ZNF536: variants seen among roughly 807,000 people sequenced by gnomAD.
ZNF536 encodes zinc finger protein 536.
Under a neutral mutation model 84.5 loss-of-function variants are expected in ZNF536, and 13 were observed. The ratio of observed to expected loss-of-function variants is 0.15; its 90% CI spans 0.10 to 0.24. The LOEUF is 0.24. Among genes scored for constraint, ZNF536 ranks in the 10% least tolerant of loss-of-function variants. The pLI, the probability that ZNF536 is intolerant of heterozygous loss-of-function variation, is 1.00. For missense variants in ZNF536, 1,536 were observed against 1,747.5 expected (o/e 0.88, Z 2.16); for synonymous variants, 811 against 742.5 (o/e 1.09, Z -1.50).
At chr19:30,226,158 C>A (rs2022599779), upstream of ZNF536, among the ~76,000 whole-genome samples, 1 of 151,424 alleles carries the variant, frequency 6.6e-6, no homozygotes, top group Non-Finnish European at 1.5e-5. This position sits in a 1 kb window ranked among gnomAD's most constrained non-coding sequence, Gnocchi z 4.6. Context: ...GCCGGCGCCC[C>A]CCACCCGCGA....
At chr19:30,243,199 T>C (rs769524981) in intron 1 of ZNF536, among the ~76,000 whole-genome samples, 71 of 152,306 alleles carry the variant, frequency 4.7e-4, no homozygotes, top group African/African-American at 1.7e-3. Flanking sequence ...ACAGACCTTG[T>C]GGAACAGCTT....
intron 1 of ZNF536, among the ~76,000 whole-genome samples, chr19:30,230,491 T>C (rs2022952040): frequency 6.6e-6 from 1 of 152,180 alleles, no homozygotes; most frequent in Non-Finnish European, 1.5e-5. Flanking sequence ...CTCAGCAACT[T>C]AACTGCTGGC....
downstream of ZNF536, among the ~76,000 whole-genome samples, chr19:30,560,543 C>G (rs1353459172): frequency 6.6e-6 from 1 of 152,142 alleles, no homozygotes; most frequent in African/African-American, 2.4e-5. Flanking sequence ...GAGACCTGGA[C>G]CCTTCCTAAC....
intron 1 of ZNF536, among the ~76,000 whole-genome samples, chr19:30,596,847 C>CT (rs35647367): frequency 6.4e-5 from 9 of 140,404 alleles, no homozygotes; most frequent in African/African-American, 2.4e-4. Flanking sequence ...GCTGCAATCT[C>CT]TTTTTTTAGC....
chr19:30,693,957 T>C (rs2051542731), intron 1 of ZNF536, among the ~76,000 whole-genome samples: 1 of 152,232 alleles, frequency 6.6e-6, no homozygotes, highest in Non-Finnish European at 1.5e-5. Flanking sequence ...ACACTGTTTT[T>C]GGTGAGCTGC....
At chr19:30,540,227 G>T (rs2045276000) in intron 3 of ZNF536, among the ~76,000 whole-genome samples, 1 of 152,108 alleles carries the variant, frequency 6.6e-6, no homozygotes, top group Admixed American at 6.5e-5. Flanking sequence ...ACAGCTCCTG[G>T]ATGCTGGCTG....
chr19:30,350,042 A>G (rs2146696441), intron 2 of ZNF536, among the ~76,000 whole-genome samples: 1 of 151,872 alleles, frequency 6.6e-6, no homozygotes. Context: ...ATGGATACCT[A>G]TCTGAGGTAT....
chr19:30,684,991 A>G (rs558910512), intron 1 of ZNF536, among the ~76,000 whole-genome samples: 59 of 152,166 alleles, frequency 3.9e-4, no homozygotes, highest in Middle Eastern at 3.4e-3. Flanking sequence ...AATTACAGCT[A>G]CTCAGGCCAC....
chr19:30,317,811 C>T (rs757255746), intron 2 of ZNF536, among the ~76,000 whole-genome samples: 1 of 152,258 alleles, frequency 6.6e-6, no homozygotes, highest in Non-Finnish European at 1.5e-5. Flanking sequence ...GACGCCCACA[C>T]ATCTTGTTTT....
At chr19:30,535,132 A>G in intron 3 of ZNF536, 133 bp downstream of exon 3, 1 of 1,028,018 alleles carries the variant, frequency 9.7e-7, no homozygotes, top group Non-Finnish European at 1.4e-6. Context: ...CTGTCTAGCC[A>G]CCATTGTATG....
At chr19:30,291,755 A>T (rs2215707) in intron 2 of ZNF536, among the ~76,000 whole-genome samples, 1 of 152,244 alleles carries the variant, frequency 6.6e-6, no homozygotes, top group South Asian at 2.1e-4. Flanking sequence ...TGTTTTTTCC[A>T]TTTTTATGCT....
chr19:30,258,683 TTTA>T, intron 1 of ZNF536, among the ~76,000 whole-genome samples: 1 of 144,732 alleles, frequency 6.9e-6, no homozygotes, highest in Admixed American at 7.2e-5. Flanking sequence ...ATCAAAAATT[TTTA>T]TTTTTTAAAT....
At chr19:30,668,941 G>T (rs987982741) in intron 1 of ZNF536, among the ~76,000 whole-genome samples, 16 of 152,224 alleles carry the variant, frequency 1.1e-4, no homozygotes, top group African/African-American at 3.6e-4. Flanking sequence ...GTTTAGAAGG[G>T]CCAGGCCACG....
At chr19:30,565,242 C>T (rs563141846) in intron 1 of ZNF536, among the ~76,000 whole-genome samples, 1 of 150,492 alleles carries the variant, frequency 6.6e-6, no homozygotes, top group East Asian at 2.0e-4. Context: ...CAAATCTGGG[C>T]TTGTGACTGC....
chr19:30,523,106 A>G (rs2044431870), intron 2 of ZNF536, among the ~76,000 whole-genome samples: 3 of 152,058 alleles, frequency 2.0e-5, no homozygotes, highest in Non-Finnish European at 4.4e-5. Flanking sequence ...GGCACTTTGT[A>G]TGTGTCTGAT....
chr19:30,277,858 A>C (rs1241978503), intron 1 of ZNF536, among the ~76,000 whole-genome samples: 4 of 152,150 alleles, frequency 2.6e-5, no homozygotes, highest in African/African-American at 9.7e-5. Flanking sequence ...GCTCTGGCAG[A>C]AGTTAGCAGA....
At chr19:30,646,441 G>A (rs2049471572) in intron 1 of ZNF536, among the ~76,000 whole-genome samples, 1 of 152,206 alleles carries the variant, frequency 6.6e-6, no homozygotes, top group Non-Finnish European at 1.5e-5. Context: ...ATCTTTGCAA[G>A]GTGTGAAGGT....
intron 2 of ZNF536, among the ~76,000 whole-genome samples, chr19:30,325,177 G>A (rs993024458): frequency 3.9e-5 from 6 of 152,326 alleles, no homozygotes; most frequent in South Asian, 2.1e-4. Context: ...ACAGACGCCC[G>A]TCTAGGTCCT....
At chr19:30,378,037 C>T (rs1372547610) in intron 1 of ZNF536, among the ~76,000 whole-genome samples, 1 of 152,162 alleles carries the variant, frequency 6.6e-6, no homozygotes, top group Non-Finnish European at 1.5e-5. Flanking sequence ...GTGATTTGGC[C>T]TTGCTGATGG....
Sources: allele counts gnomAD v4.1 joint callset (sites outside exome capture counted in the v4.1 genomes callset), GRCh38; gene constraint gnomAD v4.1.1; non-coding constraint Gnocchi (gnomAD v3.1); transcripts MANE v1.5; gene names NCBI Gene and HGNC (gene_info 2026-07-23, HGNC 2026-07-21).